The following ERC1 variants were observed in gnomAD, a reference collection of about 807,000 sequenced individuals.
ERC1 encodes the protein RAB6 interacting protein 2.
In ERC1, 56 loss-of-function variants were observed where a neutral mutation model predicts 132.0. The ratio of observed to expected loss-of-function variants is 0.42; its 90% CI spans 0.34 to 0.53. ERC1 has a LOEUF of 0.53. Ranked by LOEUF, ERC1 falls within the 20% of genes least tolerant of loss-of-function variation. The pLI is 0.03. For missense variants in ERC1, 1,202 were observed against 1,349.9 expected (o/e 0.89, Z 1.72); for synonymous variants, 478 against 476.1 (o/e 1.00, Z -0.05).
At chr12:1,364,907 T>G (rs184840820) in intron 15 of ERC1, among the ~76,000 whole-genome samples, 80 of 152,338 alleles carry the variant, frequency 5.3e-4, no homozygotes, top group African/African-American at 1.9e-3. Context: ...TAACAAATAT[T>G]AATACACTAG....
At chr12:1,014,869 T>C (rs1965269997) in intron 1 of ERC1, among the ~76,000 whole-genome samples, 1 of 151,926 alleles carries the variant, frequency 6.6e-6, no homozygotes, top group African/African-American at 2.4e-5. Flanking sequence ...GTTGAAGTGA[T>C]TCTCCTGCCT....
At chr12:1,103,876 G>A (rs1485231620) in intron 3 of ERC1, among the ~76,000 whole-genome samples, 1 of 152,172 alleles carries the variant, frequency 6.6e-6, no homozygotes, top group Non-Finnish European at 1.5e-5. Context: ...TGAAATGTTT[G>A]TTGGACATGA....
At chr12:1,035,913 C>T (rs578206801) in intron 2 of ERC1, among the ~76,000 whole-genome samples, 2 of 150,794 alleles carry the variant, frequency 1.3e-5, no homozygotes, top group Admixed American at 1.3e-4. Flanking sequence ...CAGAGCATGA[C>T]TCCGTCTCAG....
intron 2 of ERC1, among the ~76,000 whole-genome samples, chr12:1,054,564 T>G (rs1972593306): frequency 6.6e-6 from 1 of 152,080 alleles, no homozygotes; most frequent in South Asian, 2.1e-4. Context: ...CAGTGTTAGC[T>G]GTTTTTCTCC....
At chr12:1,260,786 C>T (rs1346271879) in intron 13 of ERC1, among the ~76,000 whole-genome samples, 2 of 152,202 alleles carry the variant, frequency 1.3e-5, no homozygotes, top group Admixed American at 6.5e-5. Flanking sequence ...AGAGCAAATG[C>T]TTCCATACTT....
At chr12:1,080,809 A>G (rs2154187778) in intron 2 of ERC1, among the ~76,000 whole-genome samples, 1 of 152,140 alleles carries the variant, frequency 6.6e-6, no homozygotes, top group East Asian at 1.9e-4. Context: ...TCATACCGTG[A>G]TTCTGAGGCT....
chr12:1,259,506 C>CTCTT (rs59366391), intron 13 of ERC1, among the ~76,000 whole-genome samples: 27,716 of 121,198 alleles, frequency 0.23, 3,975 homozygotes, highest in African/African-American at 0.28. Context: ...TCTTGGGTAT[C>CTCTT]TCTTTCTTTC....
intron 1 of ERC1, among the ~76,000 whole-genome samples, chr12:1,023,539 GAT>G (rs1966675066): frequency 6.6e-6 from 1 of 152,152 alleles, no homozygotes; most frequent in Non-Finnish European, 1.5e-5. Context: ...CCAGAAGTGG[GAT>G]ACATAGTTTT....
chr12:1,392,728 T>C (rs1447724899), intron 16 of ERC1, among the ~76,000 whole-genome samples: 3 of 152,216 alleles, frequency 2.0e-5, no homozygotes, highest in Non-Finnish European at 2.9e-5. Flanking sequence ...TCAACAACTA[T>C]GAAGAGATAG....
intron 16 of ERC1, chr12:1,380,262 A>G (rs1053601232): frequency 1.3e-5 from 2 of 152,106 alleles, no homozygotes; most frequent in Non-Finnish European, 2.9e-5. Context: ...TCTGGCCAAC[A>G]TTGTTTCCTT....
chr12:1,160,357 G>A (rs1343210768), intron 8 of ERC1, among the ~76,000 whole-genome samples: 1 of 151,868 alleles, frequency 6.6e-6, no homozygotes, highest in Non-Finnish European at 1.5e-5. Context: ...TTTTTTGTAA[G>A]CTCACTTTGT....
chr12:1,143,201 C>T (rs1306350083), intron 8 of ERC1, among the ~76,000 whole-genome samples: 1 of 152,058 alleles, frequency 6.6e-6, no homozygotes, highest in East Asian at 1.9e-4. Flanking sequence ...ACTGCACCAG[C>T]CCACCTTTTT....
At chr12:1,261,915 G>A (rs1057485971) in intron 13 of ERC1, among the ~76,000 whole-genome samples, 1 of 152,274 alleles carries the variant, frequency 6.6e-6, no homozygotes. Context: ...TAAGAAGAAT[G>A]TTAAATAATA....
In ERC1 at chr12:1,121,785, C is replaced by CTCTA. The variant is rs1947244529; in HGVS notation, c.1569+5756_1569+5759dup. Among the ~76,000 whole-genome samples, 2 of 7,422 alleles carry CTCTA rather than the reference C, an allele frequency of 2.7e-4. 1 individual carries two copies. Among genetic ancestry groups the CTCTA allele is most frequent in the African/African-American group, 4.4e-4 (2 of 4,514 alleles). 4.9% of individuals were successfully genotyped at this position (7,422 alleles called of 152,430 possible). A position where few individuals can be genotyped will look rare whatever the true frequency, so the allele number is the denominator to read the frequency against. The stretch of plus-strand genomic sequence containing the variant: ...TCTATCTATCTCTATCTCTATCTAT[C>CTCTA]TCTATCTCTATCTCTATCTCTATCT... On this transcript the variant is annotated intron_variant, in intron 7 of 18. Transcript: ENST00000360905.
At chr12:1,050,930 G>A (rs534415862) in intron 2 of ERC1, among the ~76,000 whole-genome samples, 26 of 152,060 alleles carry the variant, frequency 1.7e-4, no homozygotes, top group African/African-American at 5.8e-4. Context: ...GCTTGAACCC[G>A]GGAGGCGGAA....
intron 16 of ERC1, among the ~76,000 whole-genome samples, chr12:1,392,732 GAGAT>G (rs1019292686): frequency 6.6e-6 from 1 of 152,196 alleles, no homozygotes; most frequent in Non-Finnish European, 1.5e-5. Context: ...CAACTATGAA[GAGAT>G]AGATAATTTA....
chr12:1,378,232 T>C (rs10773938), intron 16 of ERC1, among the ~76,000 whole-genome samples: 61,655 of 152,018 alleles, frequency 0.41, 13,747 homozygotes, highest in African/African-American at 0.59. Flanking sequence ...ATTTTCAAAT[T>C]CTTAGCCCAG....
intron 17 of ERC1, among the ~76,000 whole-genome samples, chr12:1,441,845 A>G (rs2093164329): frequency 6.6e-6 from 1 of 152,214 alleles, no homozygotes; most frequent in African/African-American, 2.4e-5. Context: ...TGGCGCACAG[A>G]GTGTGCTTGC....
intron 17 of ERC1, among the ~76,000 whole-genome samples, chr12:1,440,349 C>G (rs573328291): frequency 6.7e-6 from 1 of 149,270 alleles, no homozygotes; most frequent in African/African-American, 2.5e-5. Flanking sequence ...GGACTACAGA[C>G]GCCCGCCACC....
Sources: gnomAD v4.1 joint callset for allele counts (sites outside exome capture counted in the v4.1 genomes callset) on GRCh38, gnomAD v4.1.1 for gene constraint, MANE v1.5 for transcripts, NCBI Gene and HGNC (gene_info 2026-07-23, HGNC 2026-07-21) for gene names.